ZFAT: variants seen among roughly 807,000 people sequenced by gnomAD.
ZFAT encodes zinc finger protein ZFAT.
In ZFAT, 64 loss-of-function variants were observed where a neutral mutation model predicts 117.7. The ratio of observed to expected loss-of-function variants is 0.54; its 90% confidence interval spans 0.44 to 0.67. ZFAT has a LOEUF of 0.67. ZFAT is among the 30% of genes least tolerant of loss of function. ZFAT has a pLI of 0.00. For synonymous variants in ZFAT, 679 were observed against 615.0 expected, an observed-to-expected ratio of 1.10 and a Z score of -1.54; for missense variants, 1,433 against 1,584.5, an observed-to-expected ratio of 0.90 and a Z score of 1.62.
At chr8:134,824,205 C>T in the ZFAT span, among the ~76,000 whole-genome samples, 57 of 152,246 alleles carry the variant, frequency 3.7e-4, no homozygotes, top group Non-Finnish European at 7.4e-4. Context: ...TGTGCGAAGG[C>T]ATGCAGATGT....
the ZFAT span, among the ~76,000 whole-genome samples, chr8:134,825,940 G>A: frequency 1.4e-4 from 21 of 150,992 alleles, no homozygotes; most frequent in African/African-American, 4.4e-4. Flanking sequence ...AGAATGGCGT[G>A]AACCCGAGAG....
chr8:134,544,267 C>T (rs1383970388), intron 11 of ZFAT, among the ~76,000 whole-genome samples: 5 of 152,200 alleles, frequency 3.3e-5, no homozygotes, highest in Admixed American at 3.3e-4. Flanking sequence ...ACCCGCTCAC[C>T]TATGCTCCCC....
chr8:134,670,422 C>T (rs1488316308), intron 1 of ZFAT, among the ~76,000 whole-genome samples: 1 of 152,248 alleles, frequency 6.6e-6, no homozygotes, highest in Non-Finnish European at 1.5e-5. Context: ...ACAGTGCAAT[C>T]AAACTAGAAC....
the ZFAT span, among the ~76,000 whole-genome samples, chr8:134,762,561 C>G: frequency 6.6e-6 from 1 of 152,132 alleles, no homozygotes; most frequent in African/African-American, 2.4e-5. Flanking sequence ...GTATTGTTTG[C>G]TAGTTTCTCT....
intron 11 of ZFAT, among the ~76,000 whole-genome samples, chr8:134,542,982 G>A (rs1184358741): frequency 6.6e-6 from 1 of 150,532 alleles, no homozygotes; most frequent in African/African-American, 2.5e-5. Context: ...CAAATCCCCA[G>A]ATGACCTGCC....
intron 2 of ZFAT, among the ~76,000 whole-genome samples, chr8:134,655,864 G>A (rs1168764703): frequency 6.7e-6 from 1 of 150,098 alleles, no homozygotes; most frequent in Non-Finnish European, 1.5e-5. Flanking sequence ...CCCAGAGGCA[G>A]GTACCCAGAT....
chr8:134,772,089 C>T, the ZFAT span, among the ~76,000 whole-genome samples: 1 of 152,190 alleles, frequency 6.6e-6, no homozygotes, highest in Non-Finnish European at 1.5e-5. Context: ...GGTAGGGACA[C>T]AGGCAAACCA....
At chr8:134,599,339 G>A (rs1228464194) in intron 7 of ZFAT, 1 of 173,776 alleles carries the variant, frequency 5.8e-6, no homozygotes, top group African/African-American at 2.4e-5. Context: ...GTGTATGTGT[G>A]TAGGTGTGTA....
At chr8:134,797,106 T>C in the ZFAT span, 4 of 152,194 alleles carry the variant, frequency 2.6e-5, no homozygotes, top group African/African-American at 9.7e-5. Flanking sequence ...TACCTTTACT[T>C]GAAAAATAAC....
At chr8:134,801,727 A>AG in the ZFAT span, among the ~76,000 whole-genome samples, 3 of 152,328 alleles carry the variant, frequency 2.0e-5, no homozygotes, top group Admixed American at 6.5e-5. Flanking sequence ...TTTCTCTGGG[A>AG]GAAAAAATGG....
At chr8:134,712,525 C>T (rs1360828115) in intron 1 of ZFAT, among the ~76,000 whole-genome samples, 4 of 152,160 alleles carry the variant, frequency 2.6e-5, no homozygotes, top group Non-Finnish European at 5.9e-5. Context: ...GGGATTCGAA[C>T]CTCGCGCCCA....
intron 9 of ZFAT, among the ~76,000 whole-genome samples, chr8:134,584,292 G>A (rs2130850969): frequency 6.6e-6 from 1 of 152,158 alleles, no homozygotes; most frequent in South Asian, 2.1e-4. Flanking sequence ...AGATTTCCCT[G>A]CCTCCCTATC....
rs55811622 is a variant in ZFAT, at chr8:134,564,192, C to CAAA, written c.2976+1138_2976+1140dup. Among the ~76,000 whole-genome samples the CAAA allele has an allele frequency of 2.2e-3, 124 of 57,478 alleles. 4 individuals are homozygous for CAAA. Among genetic ancestry groups the CAAA allele is most frequent in the African/African-American group, 8.7e-3 (112 of 12,928 alleles). 37.7% of individuals were successfully genotyped at this position (57,478 alleles called of 152,430 possible). The stretch of plus-strand genomic sequence containing the variant: ...AAAAAAGAGGAGTGAGACTCCTTCT[C>CAAA]AAAAAAAAAAAAAAAAAAAAAAAGA... On this transcript the variant is annotated intron_variant, in intron 11 of 15. Coordinates refer to ENST00000377838, the MANE Select transcript of ZFAT (RefSeq NM_020863.4).
chr8:134,495,703 G>A (rs1818384975), intron 15 of ZFAT, among the ~76,000 whole-genome samples: 1 of 152,216 alleles, frequency 6.6e-6, no homozygotes, highest in Admixed American at 6.5e-5. Flanking sequence ...GCCAAGGTGG[G>A]CAGATCACTT....
At chr8:134,729,740 G>A in the ZFAT span, among the ~76,000 whole-genome samples, 1 of 152,106 alleles carries the variant, frequency 6.6e-6, no homozygotes, top group Non-Finnish European at 1.5e-5. Flanking sequence ...GACTGCTTGA[G>A]TTTGTAATCC....
chr8:134,565,559 G>A (rs1405799779), intron 10 of ZFAT, 138 bp from the exon 11 acceptor site: 2 of 813,242 alleles, frequency 2.5e-6, no homozygotes, highest in African/African-American at 1.7e-5. Context: ...GAACAGCGAC[G>A]AGGTGCACAG....
At chr8:134,763,068 T>TA in the ZFAT span, among the ~76,000 whole-genome samples, 2 of 152,146 alleles carry the variant, frequency 1.3e-5, no homozygotes, top group African/African-American at 4.8e-5. Context: ...GAGTAATCTT[T>TA]AAAAAATGTA....
chr8:134,516,101 T>C (rs563482596), intron 13 of ZFAT, among the ~76,000 whole-genome samples: 16 of 152,348 alleles, frequency 1.1e-4, no homozygotes, highest in African/African-American at 3.8e-4. Context: ...CATTTCTGGC[T>C]TTTCTCCCCT....
At chr8:134,504,853 A>G (rs1247000822) in intron 15 of ZFAT, among the ~76,000 whole-genome samples, 1 of 152,046 alleles carries the variant, frequency 6.6e-6, no homozygotes, top group African/African-American at 2.4e-5. Context: ...CTCTGCCTCC[A>G]GTCACCCAGC....
Sources: gnomAD v4.1 joint callset for allele counts (sites outside exome capture counted in the v4.1 genomes callset) on GRCh38, gnomAD v4.1.1 for gene constraint, MANE v1.5 for transcripts, NCBI Gene and HGNC (gene_info 2026-07-23, HGNC 2026-07-21) for gene names.